The following ABCA13 variants were observed in gnomAD, a reference collection of about 807,000 sequenced individuals.
ABCA13 encodes the protein ATP binding cassette subfamily A member 13.
Under a neutral mutation model 478.7 loss-of-function variants are expected in ABCA13, and 476 were observed. The observed-to-expected ratio is 0.99, with a 90% CI of 0.92 to 1.07. The LOEUF is 1.07. Among genes scored for constraint, ABCA13 ranks in the 50% least tolerant of loss-of-function variants. ABCA13 has a pLI of 0.00. For missense variants in ABCA13, 6,060 were observed against 5,910.6 expected (o/e 1.03, Z -0.83); for synonymous variants, 2,252 against 2,158.9 (o/e 1.04, Z -1.20).
At chr7:48,534,466 G>T (rs188952661) in intron 55 of ABCA13, among the ~76,000 whole-genome samples, 1 of 152,008 alleles carries the variant, frequency 6.6e-6, no homozygotes, top group Non-Finnish European at 1.5e-5. Context: ...GCATGGTTTT[G>T]AGGGTTCCTT....
At chr7:48,268,434 C>T (rs1026246432) in intron 15 of ABCA13, among the ~76,000 whole-genome samples, 9 of 152,196 alleles carry the variant, frequency 5.9e-5, no homozygotes, top group African/African-American at 2.2e-4. Context: ...GCTGGGATTA[C>T]AGGCGTGAGC....
intron 43 of ABCA13, among the ~76,000 whole-genome samples, chr7:48,457,200 A>G (rs547418505): frequency 6.6e-5 from 10 of 152,134 alleles, no homozygotes; most frequent in Non-Finnish European, 1.2e-4. Flanking sequence ...TTTGATTACT[A>G]TTGAAGTTGA....
chr7:48,245,654 A>T (rs1404275485), intron 12 of ABCA13, 42 bp downstream of exon 12: 1 of 1,568,782 alleles, frequency 6.4e-7, no homozygotes, highest in Non-Finnish European at 8.7e-7. Context: ...TTTTTAATAA[A>T]ACATTCAAGA....
At chr7:48,602,649 A>C (rs896673535) in intron 58 of ABCA13, among the ~76,000 whole-genome samples, 4 of 152,048 alleles carry the variant, frequency 2.6e-5, no homozygotes, top group Admixed American at 2.6e-4. Context: ...GTTTGAAGTC[A>C]GGTAGCGTGA....
intron 23 of ABCA13, among the ~76,000 whole-genome samples, chr7:48,308,162 C>A (rs868490125): frequency 6.6e-6 from 1 of 151,982 alleles, no homozygotes; most frequent in African/African-American, 2.4e-5. Context: ...AATTAAGACA[C>A]AAACACACAG....
chr7:48,410,709 GTCCCAT>G, intron 40 of ABCA13, 32 bp downstream of exon 40: 1 of 1,590,142 alleles, frequency 6.3e-7, no homozygotes, highest in Non-Finnish European at 8.6e-7. Context: ...TCTCACTGAA[GTCCCAT>G]TTCTGTCTGT....
chr7:48,601,671 C>T (rs1361581765), intron 58 of ABCA13, among the ~76,000 whole-genome samples: 2 of 152,104 alleles, frequency 1.3e-5, no homozygotes, highest in African/African-American at 4.8e-5. Context: ...TGAACAGTTC[C>T]TCAGTAAACA....
intron 55 of ABCA13, among the ~76,000 whole-genome samples, chr7:48,546,610 G>A (rs1382711572): frequency 6.6e-6 from 1 of 151,480 alleles, no homozygotes; most frequent in African/African-American, 2.4e-5. Context: ...AGCATTTTTT[G>A]AGTTTGCTCC....
intron 43 of ABCA13, among the ~76,000 whole-genome samples, chr7:48,465,514 TTTC>T (rs1380808229): frequency 6.9e-6 from 1 of 145,964 alleles, no homozygotes; most frequent in Non-Finnish European, 1.5e-5. Context: ...GTTGCTTACA[TTTC>T]TTCTTTCTTT....
chr7:48,626,450 C>T (rs748763279), intron 59 of ABCA13, among the ~76,000 whole-genome samples: 2 of 151,884 alleles, frequency 1.3e-5, no homozygotes, highest in African/African-American at 4.8e-5. Flanking sequence ...TGGAATCATG[C>T]GGCATAAACT....
At chr7:48,472,058 G>C (rs555632743) in intron 45 of ABCA13, among the ~76,000 whole-genome samples, 43 of 152,274 alleles carry the variant, frequency 2.8e-4, no homozygotes, top group African/African-American at 1.0e-3. Context: ...TGCCACTATT[G>C]AGGTGAGAGA....
At chr7:48,214,004 G>T (rs189112751) in intron 3 of ABCA13, among the ~76,000 whole-genome samples, 4 of 152,248 alleles carry the variant, frequency 2.6e-5, no homozygotes, top group Admixed American at 2.6e-4. Context: ...CCATAAATTT[G>T]AATCACTATC....
At chr7:48,626,806 A>T in intron 59 of ABCA13, 1 of 985,586 alleles carries the variant, frequency 1.0e-6, no homozygotes, top group Non-Finnish European at 1.2e-6. Context: ...TGTGAGGGTG[A>T]GGAGGATTCT....
chr7:48,548,887 G>T (rs768709673), intron 55 of ABCA13, among the ~76,000 whole-genome samples: 2 of 151,550 alleles, frequency 1.3e-5, no homozygotes, highest in Non-Finnish European at 3.0e-5. Flanking sequence ...AGGCACAGGT[G>T]AGTCTACTGA....
At chr7:48,434,496 A>G (rs1418805760) in intron 42 of ABCA13, among the ~76,000 whole-genome samples, 1 of 151,856 alleles carries the variant, frequency 6.6e-6, no homozygotes, top group African/African-American at 2.4e-5. Context: ...TTCTTGTACT[A>G]AAGTTTTTAA....
chr7:48,222,960 G>A (rs757365580), intron 5 of ABCA13, among the ~76,000 whole-genome samples: 1 of 152,154 alleles, frequency 6.6e-6, no homozygotes, highest in Non-Finnish European at 1.5e-5. Context: ...TTAAATGGAG[G>A]TATTTTAGAA....
At position 48,466,959 on chromosome 7, in the gene ABCA13, T is replaced by C. The variant is rs1563305214; in HGVS notation, c.12819T>C (p.Ser4273=). Residue 4273 remains serine, a synonymous_variant, in exon 44 of 62, where the codon AGT becomes AGC. Transcript: ENST00000435803. ...YQRAETYFFS[S]GGDNLDLTRV... ...TTTGTCTCACAATGAACAGCAGCAG[T>C]GGGGGCGACAACTTGGACCTCACCC... 1 of 1,613,886 alleles carries C rather than the reference T, an allele frequency of 6.2e-7. No individual in the cohort carries two copies. The highest frequency in any genetic ancestry group is 1.1e-5 in the South Asian group (1 of 91,078).
At chr7:48,220,615 T>C (rs941084150) in intron 4 of ABCA13, among the ~76,000 whole-genome samples, 1 of 152,186 alleles carries the variant, frequency 6.6e-6, no homozygotes, top group African/African-American at 2.4e-5. Flanking sequence ...GGGGCAGGGC[T>C]GGCCATGGCC....
chr7:48,625,571 T>C (rs369145811), intron 59 of ABCA13, among the ~76,000 whole-genome samples: 1 of 152,326 alleles, frequency 6.6e-6, no homozygotes, highest in East Asian at 1.9e-4. Context: ...TCACCTGCTA[T>C]GTGTAATTTG....
Sources: gnomAD v4.1 joint callset for allele counts (sites outside exome capture counted in the v4.1 genomes callset) on GRCh38, gnomAD v4.1.1 for gene constraint, MANE v1.5 for transcripts, NCBI Gene and HGNC (gene_info 2026-07-23, HGNC 2026-07-21) for gene names.